The following JAM2 variants were observed in gnomAD, a reference collection of about 807,000 sequenced individuals.
JAM2 encodes the protein junctional adhesion molecule 2.
A neutral mutation model predicts 42.0 loss-of-function variants in JAM2; 17 were observed. That is an observed-to-expected ratio of 0.40 (90% CI 0.28 to 0.61). The LOEUF is 0.61. JAM2 is among the 20% of genes least tolerant of loss of function. JAM2 has a pLI of 0.37. For missense variants in JAM2, 319 were observed against 358.3 expected, an observed-to-expected ratio of 0.89 and a Z score of 0.89; for synonymous variants, 118 against 128.6, an observed-to-expected ratio of 0.92 and a Z score of 0.56.
chr21:25,682,729 C>A (rs527575245), intron 1 of JAM2, among the ~76,000 whole-genome samples: 1 of 152,272 alleles, frequency 6.6e-6, no homozygotes, highest in South Asian at 2.1e-4. Context: ...GGGTCACACA[C>A]GGGGTTGAAG....
chr21:25,681,236 T>A (rs2123364508), intron 1 of JAM2, among the ~76,000 whole-genome samples: 1 of 152,334 alleles, frequency 6.6e-6, no homozygotes, highest in African/African-American at 2.4e-5. Flanking sequence ...AATTGTCTAC[T>A]TGAGATGACC....
rs1282836987 is a variant in JAM2, at chr21:25,693,820, T to C, written c.306T>C (p.Ser102=). Residue 102 remains serine, a synonymous_variant, in exon 4 of 10, where the codon AGT becomes AGC. Coordinates refer to ENST00000480456, the MANE Select transcript of JAM2 (RefSeq NM_021219.4). ...FNIRIKNVTR[S]DAGKYRCEVS... is the part of the protein sequence containing the mutation. ...TCCGGATCAAAAATGTGACAAGAAG[T>C]GATGCGGGGAAATATCGTTGTGAAG... is the stretch of plus-strand genomic sequence containing the variant. The C allele has an allele frequency of 6.2e-7, 1 of 1,614,058 alleles. No homozygotes were observed. The highest frequency in any genetic ancestry group is 8.5e-7 in the Non-Finnish European group (1 of 1,179,934).
intron 1 of JAM2, among the ~76,000 whole-genome samples, chr21:25,669,792 G>C (rs1263255368): frequency 2.0e-5 from 3 of 152,162 alleles, no homozygotes; most frequent in African/African-American, 7.2e-5. Flanking sequence ...TGAAGACTAA[G>C]ACTTAAGTTG....
chr21:25,689,047 G>A (rs910334393), intron 2 of JAM2, among the ~76,000 whole-genome samples: 6 of 149,994 alleles, frequency 4.0e-5, no homozygotes, highest in African/African-American at 1.5e-4. Context: ...CAGACATCTC[G>A]TTTGGACAGT....
rs2829880 is a variant in JAM2 at position 25,715,690 on chromosome 21, A to T, written c.*1018A>T. On this transcript the variant is annotated 3_prime_UTR_variant, in exon 10 of 10. Transcript: ENST00000480456. ...TCCCTGCATCTGGTACCCCTCTTGAAACACAGTGGGCACATGAGCAATGGC... is the reference window on the plus strand; with the variant it reads ...TCCCTGCATCTGGTACCCCTCTTGATACACAGTGGGCACATGAGCAATGGC... 0.3 allele frequency: 45,158 copies of T among 152,066 alleles called. 8,198 individuals carry two copies. The highest frequency in any genetic ancestry group is 0.51 in the African/African-American group (21,122 of 41,434). The allele number at this position is 152,066 out of a possible 1,614,324, so 9.4% of individuals were successfully genotyped here.
At chr21:25,651,053 C>T (rs1220617416) in intron 1 of JAM2, among the ~76,000 whole-genome samples, 1 of 129,368 alleles carries the variant, frequency 7.7e-6, no homozygotes, top group African/African-American at 2.8e-5. Flanking sequence ...AACCATACCT[C>T]CCCCCGCCAA....
chr21:25,698,525 T>C, intron 4 of JAM2, 152 bp from the exon 5 acceptor site: 2 of 640,824 alleles, frequency 3.1e-6, no homozygotes, highest in South Asian at 3.9e-5. Context: ...GTTGGACAAG[T>C]AAGCAGTCTC....
In JAM2 at chr21:25,701,077, GAAC is replaced by G. The variant is rs1235034186; in HGVS notation, c.598-1087_598-1085del. Among the ~76,000 whole-genome samples, 7 of 152,308 alleles carry G rather than the reference GAAC, an allele frequency of 4.6e-5. No individual in the cohort carries two copies. The East Asian group carries it at 5.8e-4, about 13-fold the overall frequency. On this transcript the variant is annotated intron_variant, in intron 5 of 9. Coordinates refer to ENST00000480456, the MANE Select transcript of JAM2 (RefSeq NM_021219.4). ...TAAGATAGGTTCTTATGTGAGAAATGAACAACAAAGACTCCAGTGTATGGAAGC... is the reference window on the plus strand; with the variant it reads ...TAAGATAGGTTCTTATGTGAGAAATGAACAAAGACTCCAGTGTATGGAAGC...
chr21:25,690,617 G>T (rs1023305098), intron 3 of JAM2, among the ~76,000 whole-genome samples: 1 of 152,050 alleles, frequency 6.6e-6, no homozygotes, highest in Non-Finnish European at 1.5e-5. Context: ...AAAAGTACTG[G>T]AATTACAGGT....
chr21:25,673,312 G>A (rs2033403852), intron 1 of JAM2, among the ~76,000 whole-genome samples: 1 of 152,084 alleles, frequency 6.6e-6, no homozygotes, highest in African/African-American at 2.4e-5. Context: ...TTTGTGCAAT[G>A]GAATGCCCTG....
intron 1 of JAM2, among the ~76,000 whole-genome samples, chr21:25,640,545 A>ATATG (rs1166630267): frequency 1.3e-5 from 2 of 152,244 alleles, no homozygotes; most frequent in African/African-American, 4.8e-5. Flanking sequence ...CAGAAGCCAC[A>ATATG]TGATCCAGTA....
chr21:25,691,972 G>A (rs1006867515), intron 3 of JAM2, among the ~76,000 whole-genome samples: 3 of 150,874 alleles, frequency 2.0e-5, no homozygotes, highest in Non-Finnish European at 4.4e-5. Context: ...TCACGCCACT[G>A]CACTCCAGCC....
intron 1 of JAM2, among the ~76,000 whole-genome samples, chr21:25,664,428 G>A (rs9980217): frequency 0.06 from 9,168 of 152,188 alleles, 306 homozygotes; most frequent in Middle Eastern, 0.092. Flanking sequence ...TAGAGATGGG[G>A]TTTCACTGTG....
At chr21:25,685,251 A>C (rs915311491) in intron 2 of JAM2, among the ~76,000 whole-genome samples, 3 of 152,122 alleles carry the variant, frequency 2.0e-5, no homozygotes, top group African/African-American at 4.8e-5. Context: ...AATATGCTGT[A>C]GTAAGAATCA....
At chr21:25,707,884 C>T (rs2034304409) in intron 7 of JAM2, among the ~76,000 whole-genome samples, 1 of 151,640 alleles carries the variant, frequency 6.6e-6, no homozygotes, top group South Asian at 2.1e-4. Context: ...CTCACTCTGT[C>T]ACCCATGCCT....
At position 25,717,132 on chromosome 21, in the gene JAM2, G is replaced by C. The variant is rs1395716675; in HGVS notation, c.*2460G>C. 6.6e-6 allele frequency: 1 copy of C among 152,542 alleles called. No homozygotes were observed. Among genetic ancestry groups the C allele is most frequent in the Non-Finnish European group, 1.5e-5 (1 of 68,370 alleles). 9.4% of individuals were successfully genotyped at this position (152,542 alleles called of 1,614,324 possible). The stretch of plus-strand genomic sequence containing the variant: ...TACATTACCTTAAACTATTGTAATA[G>C]CTAGGTAAAAATCCTTGTATAAAAG... On this transcript the variant is annotated 3_prime_UTR_variant, in exon 10 of 10. Transcript: ENST00000480456.
At position 25,656,955 on chromosome 21, in the gene JAM2, G is replaced by A. The variant is rs571534790; in HGVS notation, c.67+17067G>A. ...TTATGTGGGCTAGAATGTTTAAGGA[G>A]ATTTATTTCTAATTATTAGAAAATG... On this transcript the variant is annotated intron_variant, in intron 1 of 9. Coordinates refer to ENST00000480456, the MANE Select transcript of JAM2 (RefSeq NM_021219.4). 1.4e-3 allele frequency among the ~76,000 whole-genome samples: 217 copies of A among 152,294 alleles called. 1 individual carries two copies. The highest frequency in any genetic ancestry group is 5.0e-3 in the African/African-American group (208 of 41,560).
intron 1 of JAM2, among the ~76,000 whole-genome samples, chr21:25,665,098 G>A (rs1203812249): frequency 6.6e-6 from 1 of 152,158 alleles, no homozygotes; most frequent in African/African-American, 2.4e-5. Context: ...CTTCCTAGAG[G>A]TGGTGAGACT....
At chr21:25,679,385 C>T (rs546010990) in intron 1 of JAM2, among the ~76,000 whole-genome samples, 6 of 152,300 alleles carry the variant, frequency 3.9e-5, no homozygotes, top group South Asian at 2.1e-4. Flanking sequence ...TATTCCTGTT[C>T]CTGGTTGTTC....
Sources: allele counts gnomAD v4.1 joint callset (sites outside exome capture counted in the v4.1 genomes callset), GRCh38; gene constraint gnomAD v4.1.1; transcripts MANE v1.5; gene names NCBI Gene and HGNC (gene_info 2026-07-23, HGNC 2026-07-21).